The following KDM6B variants were observed in gnomAD, a reference collection of about 807,000 sequenced individuals.
KDM6B encodes lysine demethylase 6B.
In KDM6B, 22 loss-of-function variants were observed where a neutral mutation model predicts 150.4. The observed-to-expected ratio is 0.15, with a 90% confidence interval of 0.10 to 0.21. The LOEUF (loss-of-function observed/expected upper bound fraction) is 0.21, where lower values mean the gene tolerates loss of function less well. Ranked by LOEUF, KDM6B falls within the 10% of genes least tolerant of loss-of-function variation. The pLI is 1.00. For synonymous variants in KDM6B, 1,148 were observed against 921.1 expected, an observed-to-expected ratio of 1.25 and a Z score of -4.46; for missense variants, 1,984 against 2,234.3, an observed-to-expected ratio of 0.89 and a Z score of 2.26.
rs745627824 is a variant in KDM6B at position 7,846,676 on chromosome 17, G to A, written c.647G>A (p.Gly216Asp). ...VQPVPPAALS[G>D]PSGEEGLSPG... Reference sequence around the variant, plus strand: ...CCTGTGCCTCCTGCAGCACTCTCAGGCCCCTCAGGGGAGGAGGGCCTCAGC... The same window carrying A: ...CCTGTGCCTCCTGCAGCACTCTCAGACCCCTCAGGGGAGGAGGGCCTCAGC... The change falls in exon 9 of 24, where the codon GGC (glycine) becomes GAC (aspartate). Residue 216 changes from glycine to aspartate, a missense_variant. Gly to Asp is a moderately conservative substitution (Grantham distance 94, BLOSUM62 -1). Around this residue, in one of 13 missense-constraint regions of KDM6B, gnomAD observed 337 missense variants for 323.9 expected, o/e 1.04. Coordinates refer to ENST00000448097, the MANE Select transcript of KDM6B (RefSeq NM_001348716.2). 6.1e-5 allele frequency: 99 copies of A among 1,614,018 alleles called. No individual in the cohort carries two copies. The highest frequency in any genetic ancestry group is 8.2e-5 in the Non-Finnish European group (97 of 1,179,998).
chr17:7,837,891 G>C (rs2078355270), intron 1 of KDM6B, among the ~76,000 whole-genome samples: 1 of 151,974 alleles, frequency 6.6e-6, no homozygotes, highest in Non-Finnish European at 1.5e-5. Flanking sequence ...GTAGTGGATA[G>C]TTTGTGTTAA....
chr17:7,853,681 CTTTTT>C lies in KDM6B; in HGVS notation c.*171_*175del. 3.1e-6 allele frequency: 1 copy of C among 320,950 alleles called. No individual in the cohort carries two copies. The allele number at this position is 320,950 out of a possible 1,614,324, so 19.9% of individuals were successfully genotyped here. On this transcript the variant is annotated 3_prime_UTR_variant, in exon 24 of 24. Coordinates refer to ENST00000448097, the MANE Select transcript of KDM6B (RefSeq NM_001348716.2). Reference sequence around the variant, plus strand: ...CCCTCACTTAATTTATTAAGAAAAACTTTTTTTTTTTTTTTAGCAAATATGAGGAA... The same window carrying C: ...CCCTCACTTAATTTATTAAGAAAAACTTTTTTTTTTAGCAAATATGAGGAA...
In KDM6B at chr17:7,848,314, A is replaced by T. The variant is rs1597844739; in HGVS notation, c.2026A>T (p.Thr676Ser). The T allele has an allele frequency of 1.9e-6, 3 of 1,600,894 alleles. No individual in the cohort carries two copies. Among genetic ancestry groups the T allele is most frequent in the Non-Finnish European group, 2.5e-6 (3 of 1,176,912 alleles). The change falls in exon 12 of 24, where the codon ACT (threonine) becomes TCT (serine). Residue 676 changes from threonine to serine, a missense_variant. Thr to Ser is a moderately conservative substitution (Grantham distance 58, BLOSUM62 1). This residue lies in a region of KDM6B where 1,379 missense variants were observed against 1,275.6 expected (regional missense o/e 1.08). Coordinates refer to ENST00000448097, the MANE Select transcript of KDM6B (RefSeq NM_001348716.2). ...RGPRLFDFPP[T>S]PLEDQFEEPA... ...CCCTCGACTCTTTGATTTTCCCCCCACTCCGCTGGAGGACCAGTTTGAGGA... is the reference window on the plus strand; with the variant it reads ...CCCTCGACTCTTTGATTTTCCCCCCTCTCCGCTGGAGGACCAGTTTGAGGA...
At position 7,849,699 on chromosome 17, in the gene KDM6B, C is replaced by T; in HGVS notation, c.3411C>T (p.His1137=). Residue 1137 remains histidine (H), a synonymous_variant, in exon 12 of 24, where the codon CAC becomes CAT. Coordinates refer to ENST00000448097, the MANE Select transcript of KDM6B (RefSeq NM_001348716.2). ...RLRMADLTIS[H]CAADVVRASR... ...GCATGGCAGACCTCACCATCAGCCA[C>T]TGTGCTGCTGACGTCGTGCGCGCCA... 6.2e-7 allele frequency: 1 copy of T among 1,610,874 alleles called. No individual in the cohort carries two copies. Among genetic ancestry groups the T allele is most frequent in the Non-Finnish European group, 8.5e-7 (1 of 1,179,922 alleles).
Position 7,846,459 on chromosome 17 carries a change from A to C in KDM6B, c.516A>C (p.Pro172=), listed in dbSNP as rs1283646264. 7.0e-7 allele frequency: 1 copy of C among 1,421,474 alleles called. No individual in the cohort carries two copies. The highest frequency in any genetic ancestry group is 2.1e-5 in the Admixed American group (1 of 48,428). The allele number at this position is 1,421,474 out of a possible 1,614,324, so 88.1% of individuals were successfully genotyped here. Reference sequence around the variant, plus strand: ...AGCACCGAGCCAAGGTCCTGCCCCCACTGGAGCAAGTGTGGAACTTGCTAC... The same window carrying C: ...AGCACCGAGCCAAGGTCCTGCCCCCCCTGGAGCAAGTGTGGAACTTGCTAC... ...SCQHRAKVLP[P]LEQVWNLLHL... is the part of the protein sequence containing the mutation. Residue 172 remains proline, a synonymous_variant, in exon 8 of 24, where the codon CCA becomes CCC. Transcript: ENST00000448097.
Position 7,853,444 on chromosome 17 carries a change from T to C in KDM6B, c.4909-54T>C. 2.0e-6 allele frequency: 3 copies of C among 1,523,114 alleles called. No homozygotes were observed. In the East Asian group the frequency reaches 7.4e-5, roughly 38 times the overall value. 94.3% of individuals were successfully genotyped at this position (1,523,114 alleles called of 1,614,324 possible). On this transcript the variant is annotated intron_variant, in intron 23 of 23. Transcript: ENST00000448097. ...ACTGGGGCAGGCTGCAGGGACGGGC[T>C]TCGGGAGCCCGGCCGCGCCTTTCCC...
rs1467403398 is a variant in KDM6B at position 7,847,298 on chromosome 17, C to T, written c.1103C>T (p.Ser368Leu). 3.1e-6 allele frequency: 5 copies of T among 1,606,136 alleles called. No homozygotes were observed. The highest frequency in any genetic ancestry group is 2.5e-6 in the Non-Finnish European group (3 of 1,179,820). ...CTTAGAGAGAGCAGAGTTCAGAGGT[C>T]GCGGATGGACTCCAGCGTTTCACCA... Reference protein sequence around the residue: ...SDLRESRVQRSRMDSSVSPAA... With the variant: ...SDLRESRVQRLRMDSSVSPAA... Residue 368 changes from serine to leucine, a missense_variant, in exon 11 of 24, where the codon TCG becomes TTG. Physicochemically the swap from Ser to Leu is moderately radical, Grantham distance 145. Transcript: ENST00000448097.
At chr17:7,846,371 G>GGGGCGGGGGCCGGGGGGCCCCCCCCC in intron 7 of KDM6B, 29 bp from the exon 8 acceptor site, 1 of 1,488,926 alleles carries the variant, frequency 6.7e-7, no homozygotes, top group Non-Finnish European at 9.2e-7. Flanking sequence ...CCTGACATCT[G>GGGGCGGGGGCCGGGGGGCCCCCCCCC]CCCCTGCCCC....
rs752537816 is a variant in KDM6B at position 7,849,549 on chromosome 17, C to T, written c.3261C>T (p.Ala1087=). The T allele has an allele frequency of 1.4e-5, 22 of 1,612,816 alleles. No homozygotes were observed. Among genetic ancestry groups the T allele is most frequent in the South Asian group, 6.6e-5 (6 of 91,058 alleles). The change falls in exon 12 of 24, where the codon GCC becomes GCT. Residue 1087 remains alanine (A), a synonymous_variant. Transcript: ENST00000448097. ...EAPGPPGVSR[A]DMLKLRSLSE... is the part of the protein sequence containing the mutation. ...CAGGGCCACCGGGTGTCAGCCGGGCCGACATGCTGAAGCTGCGCTCACTTA... is the reference window on the plus strand; with the variant it reads ...CAGGGCCACCGGGTGTCAGCCGGGCTGACATGCTGAAGCTGCGCTCACTTA...
rs1567801760 is a variant in KDM6B, at chr17:7,851,340, A to G, written c.3890A>G (p.Glu1297Gly). The stretch of plus-strand genomic sequence containing the variant: ...CCTCTGGCTGAACAGGAGGAGAAGG[A>G]GAGTGAGGATGAGGAGTCAGAGGAG... The part of the protein sequence containing the change: ...SFQESLQEEK[E>G]SEDEESEEPD... Residue 1297 changes from glutamate (E) to glycine (G), a missense_variant, in exon 16 of 24, where the codon GAG (glutamate) becomes GGG (glycine). Physicochemically the swap from Glu to Gly is moderately conservative, Grantham distance 98. Coordinates refer to ENST00000448097, the MANE Select transcript of KDM6B (RefSeq NM_001348716.2). 2.5e-6 allele frequency: 4 copies of G among 1,613,948 alleles called. No homozygotes were observed. The highest frequency in any genetic ancestry group is 3.4e-6 in the Non-Finnish European group (4 of 1,180,018).
chr17:7,846,373 C>CGGGG, intron 7 of KDM6B, 27 bp from the exon 8 acceptor site: 2 of 520,102 alleles, frequency 3.8e-6, no homozygotes, highest in Non-Finnish European at 7.5e-6. Context: ...TGACATCTGC[C>CGGGG]CCTGCCCCGT....
rs766796903 is a variant in KDM6B at position 7,849,066 on chromosome 17, G to A, written c.2778G>A (p.Glu926=). 1 of 1,612,268 alleles carries A rather than the reference G, an allele frequency of 6.2e-7. No homozygotes were observed. Among genetic ancestry groups the A allele is most frequent in the Non-Finnish European group, 8.5e-7 (1 of 1,179,846 alleles). Residue 926 remains glutamate (E), a synonymous_variant, in exon 12 of 24, where the codon GAG becomes GAA. Coordinates refer to ENST00000448097, the MANE Select transcript of KDM6B (RefSeq NM_001348716.2). ...GCCGGGCTTGCGAGACCCTTGTGGA[G>A]CGGGTGGGCCGGAGTGCCACTGACC... ...EISRACETLV[E]RVGRSATDPA... is the part of the protein sequence containing the mutation.
At chr17:7,845,737 T>C (rs781517287) in intron 5 of KDM6B, 46 bp downstream of exon 5, 1 of 1,613,278 alleles carries the variant, frequency 6.2e-7, no homozygotes, top group South Asian at 1.1e-5. Context: ...TCTTTCCATC[T>C]CTGTATCCCT....
chr17:7,845,285 C>T (rs557815407), intron 3 of KDM6B, 29 bp from the exon 4 acceptor site: 2 of 583,412 alleles, frequency 3.4e-6, no homozygotes, highest in South Asian at 3.9e-5. Context: ...TGCTGGCCAG[C>T]TCGTCTCACT....
At position 7,852,649 on chromosome 17, in the gene KDM6B, T is replaced by G. The variant is rs1350043709; in HGVS notation, c.4610+13T>G. 2 of 1,613,934 alleles carry G rather than the reference T, an allele frequency of 1.2e-6. No homozygotes were observed. Among genetic ancestry groups the G allele is most frequent in the Non-Finnish European group, 1.7e-6 (2 of 1,180,012 alleles). Reference sequence around the variant, plus strand: ...TCAAGATGATCAAGTGAGGACCCTATTTGGGTGGGAGCCCACCTCCACTGA... The same window carrying G: ...TCAAGATGATCAAGTGAGGACCCTAGTTGGGTGGGAGCCCACCTCCACTGA... On this transcript the variant is annotated intron_variant, in intron 21 of 23. Transcript: ENST00000448097.
rs141005996 is a variant in KDM6B, at chr17:7,849,545, G to C, written c.3257G>C (p.Arg1086Pro). The change falls in exon 12 of 24, where the codon CGG (arginine) becomes CCG (proline). Residue 1086 changes from arginine (R) to proline (P), a missense_variant. Physicochemically the swap from Arg to Pro is moderately radical, Grantham distance 103. This residue lies in a region of KDM6B where 1,379 missense variants were observed against 1,275.6 expected (regional missense o/e 1.08). Transcript: ENST00000448097. ...GCCCCAGGGCCACCGGGTGTCAGCC[G>C]GGCCGACATGCTGAAGCTGCGCTCA... ...EEAPGPPGVS[R>P]ADMLKLRSLS... 2 of 1,612,762 alleles carry C rather than the reference G, an allele frequency of 1.2e-6. No homozygotes were observed. The highest frequency in any genetic ancestry group is 1.7e-6 in the Non-Finnish European group (2 of 1,179,928).
At position 7,848,642 on chromosome 17, in the gene KDM6B, C is replaced by G. The variant is rs745930165; in HGVS notation, c.2354C>G (p.Pro785Arg). ...LPPPPPLAKFPPPSQPQPPPP... is the reference protein window; with the variant it reads ...LPPPPPLAKFRPPSQPQPPPP... ...CCACCACCGCCTCTAGCCAAGTTCC[C>G]TCCACCCTCTCAGCCACAGCCACCA... The change falls in exon 12 of 24, where the codon CCT becomes CGT. Residue 785 changes from proline (P) to arginine (R), a missense_variant. Physicochemically the swap from Pro to Arg is moderately radical, Grantham distance 103 (BLOSUM62 -2). Around this residue, in one of 13 missense-constraint regions of KDM6B, gnomAD observed 1,379 missense variants for 1,275.6 expected, o/e 1.08. Transcript: ENST00000448097. 1.2e-6 allele frequency: 2 copies of G among 1,601,826 alleles called. No individual in the cohort carries two copies. The highest frequency in any genetic ancestry group is 4.5e-5 in the East Asian group (2 of 44,110).
intron 2 of KDM6B, among the ~76,000 whole-genome samples, chr17:7,842,184 G>A (rs1249255574): frequency 6.6e-6 from 1 of 152,158 alleles, no homozygotes; most frequent in Non-Finnish European, 1.5e-5. Flanking sequence ...TTAAGTGGGT[G>A]TGATTGATGG....
chr17:7,845,286 T>TC (rs1242695237), intron 3 of KDM6B, 28 bp from the exon 4 acceptor site: 7 of 583,836 alleles, frequency 1.2e-5, no homozygotes, highest in Non-Finnish European at 2.2e-5. Flanking sequence ...GCTGGCCAGC[T>TC]CGTCTCACTC....
Sources: gnomAD v4.1 joint callset for allele counts (sites outside exome capture counted in the v4.1 genomes callset) on GRCh38, gnomAD v4.1.1 for gene constraint, gnomAD v4.1.1 regional missense constraint, MANE v1.5 for transcripts, NCBI Gene and HGNC (gene_info 2026-07-23, HGNC 2026-07-21) for gene names.